Variants in RARB observed in about 807,000 individuals in gnomAD.
RARB encodes HBV-activated protein.
A neutral mutation model predicts 51.9 loss-of-function variants in RARB; 17 were observed. The observed-to-expected ratio is 0.33, with a 90% CI of 0.22 to 0.49. The LOEUF (loss-of-function observed/expected upper bound fraction) is 0.49, where lower values mean the gene tolerates loss of function less well. Ranked by LOEUF, RARB falls within the 20% of genes least tolerant of loss-of-function variation. The probability of loss-of-function intolerance (pLI) is 0.99; values close to 1 mark genes in which losing one functional copy is unlikely to be tolerated. For synonymous variants in RARB, 215 were observed against 195.4 expected, an observed-to-expected ratio of 1.10 and a Z score of -0.84; for missense variants, 369 against 550.8, an observed-to-expected ratio of 0.67 and a Z score of 3.30.
At chr3:25,377,900 A>G (rs768255309) in intron 5 of RARB, among the ~76,000 whole-genome samples, 14 of 152,204 alleles carry the variant, frequency 9.2e-5, no homozygotes, top group Non-Finnish European at 1.8e-4. Flanking sequence ...CCCACTTCTT[A>G]AATCTGAGAG....
At chr3:25,306,916 G>A (rs373334095) in intron 5 of RARB, among the ~76,000 whole-genome samples, 227 of 152,088 alleles carry the variant, frequency 1.5e-3, no homozygotes, top group African/African-American at 5.0e-3. Flanking sequence ...GGGAGTCATG[G>A]GTGTGCACTC....
rs537887122 is a variant in RARB, at chr3:25,271,622, G to C, written c.178+97047G>C. The stretch of plus-strand genomic sequence containing the variant: ...GTCTTTCCTGCAACATAACTCTTGG[G>C]AGCATCTGAGAGGAAGGTTAGGAGA... On this transcript the variant is annotated intron_variant, in intron 5 of 11. Coordinates refer to the RARB transcript ENST00000383772. Among the ~76,000 whole-genome samples the C allele has an allele frequency of 2.5e-4, 38 of 152,260 alleles. No homozygotes were observed. In the South Asian group the frequency reaches 7.9e-3, roughly 32 times the overall value.
In RARB at chr3:25,086,863, C is replaced by T. The variant is rs374327406; in HGVS notation, c.-328+26687C>T. Reference sequence around the variant, plus strand: ...GGTTCTTATTATGCAGATAAAGCCTCCGCATAGCCTGCTTCAGAGAGAATA... The same window carrying T: ...GGTTCTTATTATGCAGATAAAGCCTTCGCATAGCCTGCTTCAGAGAGAATA... On this transcript the variant is annotated intron_variant, in intron 3 of 11. Transcript: ENST00000383772. Among the ~76,000 whole-genome samples the T allele has an allele frequency of 3.3e-5, 5 of 152,194 alleles. No individual in the cohort carries two copies. The South Asian group carries it at 6.2e-4, about 19-fold the overall frequency.
chr3:25,584,631 C>T (rs561218813), intron 5 of RARB, among the ~76,000 whole-genome samples: 9 of 152,192 alleles, frequency 5.9e-5, no homozygotes, highest in South Asian at 4.2e-4. Flanking sequence ...AGTGAGCCAG[C>T]GGGGGCGAGA....
Position 25,593,855 on chromosome 3 carries a change from T to C in RARB, c.991+148T>C, listed in dbSNP as rs1575550547. On this transcript the variant is annotated intron_variant, in intron 6 of 7. Transcript: ENST00000330688. ...CAGGCATACATGCCTGGTTTCATTGTATTTTTCCATGTTGTTACAAATTAA... is the reference window on the plus strand; with the variant it reads ...CAGGCATACATGCCTGGTTTCATTGCATTTTTCCATGTTGTTACAAATTAA... 59 of 731,856 alleles carry C rather than the reference T, an allele frequency of 8.1e-5. No homozygotes were observed. In the South Asian group the frequency reaches 1.1e-3, roughly 13 times the overall value. 45.3% of individuals were successfully genotyped at this position (731,856 alleles called of 1,614,324 possible). A position where few individuals can be genotyped will look rare whatever the true frequency, so the allele number is the denominator to read the frequency against.
intron 5 of RARB, among the ~76,000 whole-genome samples, chr3:25,388,490 T>A (rs1367255657): frequency 6.6e-6 from 1 of 152,212 alleles, no homozygotes; most frequent in East Asian, 1.9e-4. Flanking sequence ...AGCATTAGTT[T>A]AATGAAAGAT....
chr3:25,593,655 A>C lies in RARB; in HGVS notation c.939A>C (p.Glu313Asp), dbSNP rs1459780719. 1 of 1,614,094 alleles carries C rather than the reference A, an allele frequency of 6.2e-7. No individual in the cohort carries two copies. Among genetic ancestry groups the C allele is most frequent in the South Asian group, 1.1e-5 (1 of 91,080 alleles). The change falls in exon 6 of 8, where the codon GAA becomes GAC. Residue 313 changes from glutamate (E) to aspartate (D), a missense_variant. This residue lies in a region of RARB where 76 missense variants were observed against 153.3 expected (regional missense o/e 0.50). Coordinates refer to ENST00000330688, the MANE Select transcript of RARB (RefSeq NM_000965.5). ...TTGCCAACCAGCTCCTGCCTTTGGA[A>C]ATGGATGACACAGAAACAGGCCTTC... Reference protein sequence around the residue: ...FTFANQLLPLEMDDTETGLLS... With the variant: ...FTFANQLLPLDMDDTETGLLS...
intron 5 of RARB, among the ~76,000 whole-genome samples, chr3:25,583,511 G>C (rs76309690): frequency 1.3e-5 from 2 of 152,190 alleles, no homozygotes; most frequent in African/African-American, 4.8e-5. Context: ...CCAACTGCAC[G>C]CCTGCCAGGG....
At chr3:25,142,849 G>A (rs952056770) in intron 4 of RARB, among the ~76,000 whole-genome samples, 2 of 152,140 alleles carry the variant, frequency 1.3e-5, no homozygotes, top group Non-Finnish European at 2.9e-5. Context: ...TGTGGCCACT[G>A]AGGAATTGCC....
rs535361213 is a variant in RARB at position 25,268,245 on chromosome 3, G to A, written c.178+93670G>A. On this transcript the variant is annotated intron_variant, in intron 5 of 11. Coordinates refer to the RARB transcript ENST00000383772. ...ACTTTTTTTCTTTTTTTAGGACCAG[G>A]TAGATCCACCATTGAAGGGCTGGTT... Among the ~76,000 whole-genome samples, 15 of 152,134 alleles carry A rather than the reference G, an allele frequency of 9.9e-5. No homozygotes were observed. In the South Asian group the frequency reaches 2.7e-3, roughly 27 times the overall value.
At chr3:25,388,465 T>G (rs1273560700) in intron 5 of RARB, among the ~76,000 whole-genome samples, 1 of 152,236 alleles carries the variant, frequency 6.6e-6, no homozygotes, top group East Asian at 1.9e-4. Context: ...CAGTTCATTC[T>G]TCATTATGCT....
chr3:25,432,829 G>A (rs953511023), intron 1 of RARB, among the ~76,000 whole-genome samples: 1 of 152,094 alleles, frequency 6.6e-6, no homozygotes, highest in African/African-American at 2.4e-5. Context: ...TTTAGAAAAA[G>A]CTGAGAATTT....
chr3:25,185,392 T>A (rs573401357), intron 5 of RARB, among the ~76,000 whole-genome samples: 4 of 152,122 alleles, frequency 2.6e-5, no homozygotes, highest in African/African-American at 9.7e-5. Context: ...CATGTCACTT[T>A]GTCCTTTATA....
intron 5 of RARB, among the ~76,000 whole-genome samples, chr3:25,215,759 A>C (rs1262298892): frequency 6.6e-6 from 1 of 152,170 alleles, no homozygotes; most frequent in Non-Finnish European, 1.5e-5. Context: ...AGTCATTCAA[A>C]AGTGGAAAAA....
intron 5 of RARB, among the ~76,000 whole-genome samples, chr3:25,239,440 A>G (rs1046733065): frequency 6.6e-5 from 10 of 152,056 alleles, no homozygotes; most frequent in Admixed American, 6.6e-4. Flanking sequence ...TTTGGGTGTT[A>G]TGTTTAAGTC....
At chr3:25,211,304 C>G (rs534252012) in intron 5 of RARB, among the ~76,000 whole-genome samples, 6 of 152,232 alleles carry the variant, frequency 3.9e-5, no homozygotes, top group Non-Finnish European at 5.9e-5. Context: ...AAGGAATAAG[C>G]CTTCATGATT....
chr3:25,418,859 T>G (rs1707779208), intron 5 of RARB, among the ~76,000 whole-genome samples: 1 of 151,292 alleles, frequency 6.6e-6, no homozygotes, highest in Non-Finnish European at 1.5e-5. Context: ...ACAGGGGTGG[T>G]CAGTTACTAT....
chr3:24,925,670 AAAAG>A (rs1453640406), intron 2 of RARB, among the ~76,000 whole-genome samples: 1 of 151,094 alleles, frequency 6.6e-6, no homozygotes, highest in East Asian at 1.9e-4. Context: ...AAAAAAAAAA[AAAAG>A]CTTATATTCA....
chr3:25,479,849 A>G (rs775029708), intron 2 of RARB, among the ~76,000 whole-genome samples: 3 of 152,192 alleles, frequency 2.0e-5, no homozygotes, highest in Non-Finnish European at 2.9e-5. Context: ...AAACAGACTG[A>G]TAAGACTTCC....
Sources: gnomAD v4.1 joint callset for allele counts (sites outside exome capture counted in the v4.1 genomes callset) on GRCh38, gnomAD v4.1.1 for gene constraint, gnomAD v4.1.1 regional missense constraint, MANE v1.5 for transcripts, NCBI Gene and HGNC (gene_info 2026-07-23, HGNC 2026-07-21) for gene names.